The following RORA variants were observed in gnomAD, a reference collection of about 807,000 sequenced individuals.
RORA encodes nuclear receptor ROR-alpha.
RORA carries 7 observed loss-of-function variants against 69.5 expected under a neutral mutation model. That is an observed-to-expected ratio of 0.10 (90% CI 0.06 to 0.19). RORA has a LOEUF of 0.19. Ranked by LOEUF, RORA falls within the 10% of genes least tolerant of loss-of-function variation. The pLI, the probability that RORA is intolerant of heterozygous loss-of-function variation, is 1.00. For synonymous variants in RORA, 261 were observed against 240.8 expected (o/e 1.08, Z -0.78); for missense variants, 457 against 663.0 (o/e 0.69, Z 3.41).
chr15:60,617,930 A>T (rs989280917), intron 2 of RORA, among the ~76,000 whole-genome samples: 3 of 152,128 alleles, frequency 2.0e-5, no homozygotes, highest in African/African-American at 7.2e-5. Flanking sequence ...GCAGCTAGGG[A>T]TAAGAGGTGC....
chr15:61,186,165 T>C (rs2079739178), intron 1 of RORA, among the ~76,000 whole-genome samples: 1 of 152,232 alleles, frequency 6.6e-6, no homozygotes, highest in South Asian at 2.1e-4. Flanking sequence ...TATGCATCTG[T>C]CATGTCTTTG....
At chr15:60,940,031 G>T in intron 1 of RORA, among the ~76,000 whole-genome samples, 1 of 152,204 alleles carries the variant, frequency 6.6e-6, no homozygotes, top group Non-Finnish European at 1.5e-5. Flanking sequence ...CCTTGGCATT[G>T]CTACTTCAAG....
At chr15:60,835,118 T>G (rs992843019) in intron 1 of RORA, among the ~76,000 whole-genome samples, 2 of 152,078 alleles carry the variant, frequency 1.3e-5, no homozygotes, top group African/African-American at 4.8e-5. Flanking sequence ...GGAAAGTGGT[T>G]TTGAAGGGAG....
rs139684355 is a variant in RORA at position 61,109,136 on chromosome 15, C to T, written c.166+119917G>A. Among the ~76,000 whole-genome samples, 5 of 152,290 alleles carry T rather than the reference C, an allele frequency of 3.3e-5. No homozygotes were observed. In the South Asian group the frequency reaches 6.2e-4, roughly 19 times the overall value. ...GCTTGAACCCAGGAGGCAGAGGTTGCAGTGAGCCTAGATCGCGCCACTACA... is the reference window on the plus strand; with the variant it reads ...GCTTGAACCCAGGAGGCAGAGGTTGTAGTGAGCCTAGATCGCGCCACTACA... On this transcript the variant is annotated intron_variant, in intron 1 of 10. Coordinates refer to ENST00000335670, the MANE Select transcript of RORA (RefSeq NM_134261.3).
At chr15:60,845,630 C>T (rs1366722166) in intron 1 of RORA, among the ~76,000 whole-genome samples, 3 of 152,180 alleles carry the variant, frequency 2.0e-5, no homozygotes, top group Non-Finnish European at 4.4e-5. Flanking sequence ...TCAGCTTTCT[C>T]ATTTATAAAT....
intron 2 of RORA, among the ~76,000 whole-genome samples, chr15:60,586,444 C>T (rs2068336996): frequency 6.6e-6 from 1 of 151,608 alleles, no homozygotes; most frequent in Non-Finnish European, 1.5e-5. Context: ...GCAGATATTA[C>T]GTATTAGAGG....
intron 1 of RORA, among the ~76,000 whole-genome samples, chr15:60,897,779 T>C (rs1209079737): frequency 6.6e-6 from 1 of 152,222 alleles, no homozygotes; most frequent in East Asian, 1.9e-4. Context: ...GTGTGAAAAT[T>C]TACACAGCGA....
rs1274968820 is a variant in RORA, at chr15:61,222,883, G to GGT, written c.166+6169_166+6170insAC. On this transcript the variant is annotated intron_variant, in intron 1 of 10. Transcript: ENST00000335670. ...CAGGATTTAAGAGCCTCATGCCAAAGATACCCCTTCAATATATCTATGTAA... is the reference window on the plus strand; with the variant it reads ...CAGGATTTAAGAGCCTCATGCCAAAGGTATACCCCTTCAATATATCTATGTAA... 1.7e-4 allele frequency among the ~76,000 whole-genome samples: 26 copies of GGT among 152,312 alleles called. No homozygotes were observed. In the East Asian group the frequency reaches 3.1e-3, roughly 18 times the overall value.
chr15:60,670,203 TTTTTTTTTTTC>T (rs2070443628), intron 2 of RORA, among the ~76,000 whole-genome samples: 3 of 9,492 alleles, frequency 3.2e-4, no homozygotes, highest in East Asian at 0.071. Context: ...TCCTACCTCT[TTTTTTTTTTTC>T]TTTTTTTTTT....
At chr15:60,984,595 GTAATAA>G (rs1894142104) in intron 1 of RORA, among the ~76,000 whole-genome samples, 1 of 152,082 alleles carries the variant, frequency 6.6e-6, no homozygotes, top group African/African-American at 2.4e-5. Flanking sequence ...GGCACTGTCT[GTAATAA>G]CCAGTGCTAC....
chr15:61,112,989 C>A (rs1274602382), intron 1 of RORA, among the ~76,000 whole-genome samples: 1 of 152,170 alleles, frequency 6.6e-6, no homozygotes, highest in Non-Finnish European at 1.5e-5. Flanking sequence ...GATGTGAGCC[C>A]AAGGACGAGA....
At chr15:60,644,225 G>A (rs1248503864) in intron 2 of RORA, among the ~76,000 whole-genome samples, 1 of 152,184 alleles carries the variant, frequency 6.6e-6, no homozygotes, top group Non-Finnish European at 1.5e-5. Context: ...AACCAGGGAA[G>A]GCTTCTGTGG....
In RORA at chr15:60,614,940, A is replaced by T. The variant is rs762930488; in HGVS notation, c.196+63717T>A. On this transcript the variant is annotated intron_variant, in intron 2 of 10. Coordinates refer to ENST00000335670, the MANE Select transcript of RORA (RefSeq NM_134261.3). ...GAAAAGAGAAGAACTCCCTTAAATT[A>T]ATAAAGTTCTTGGCTGTGGCTCCAT... The T allele has an allele frequency of 6.2e-6, 10 of 1,613,930 alleles. No homozygotes were observed. The Admixed American group carries it at 1.3e-4, about 22-fold the overall frequency.
At chr15:60,738,102 C>T (rs1306556402) in intron 1 of RORA, among the ~76,000 whole-genome samples, 1 of 152,188 alleles carries the variant, frequency 6.6e-6, no homozygotes, top group African/African-American at 2.4e-5. Flanking sequence ...TGAAGCTCTA[C>T]CTTCTCATTT....
At position 60,905,067 on chromosome 15, in the gene RORA, C is replaced by T. The variant is rs12148869; in HGVS notation, c.167-226381G>A. On this transcript the variant is annotated intron_variant, in intron 1 of 10. Transcript: ENST00000335670. The surrounding 1 kb of genome is among the most constrained non-coding windows in gnomAD (Gnocchi z 4.8). ...GGGTGAGGGCTTGAGGCTCTGGGGG[C>T]GCTCGTCTTTAATGTTAATGAGACT... Among the ~76,000 whole-genome samples the T allele has an allele frequency of 0.059, 8,984 of 152,130 alleles. 309 individuals carry two copies. The highest frequency in any genetic ancestry group is 0.074 in the Non-Finnish European group (5,017 of 67,992).
At chr15:61,205,272 TGTTAGAGCTGCA>T (rs2079930118) in intron 1 of RORA, among the ~76,000 whole-genome samples, 1 of 152,206 alleles carries the variant, frequency 6.6e-6, no homozygotes, top group Admixed American at 6.5e-5. Flanking sequence ...TAGCAGCTCT[TGTTAGAGCTGCA>T]AAGCACCGGT....
At chr15:60,996,354 G>A (rs1207217849) in intron 1 of RORA, among the ~76,000 whole-genome samples, 1 of 152,154 alleles carries the variant, frequency 6.6e-6, no homozygotes, top group Non-Finnish European at 1.5e-5. Flanking sequence ...TTACAGGCAT[G>A]AGCCACCACG....
At chr15:60,761,424 A>T (rs1316100190) in intron 1 of RORA, among the ~76,000 whole-genome samples, 1 of 152,190 alleles carries the variant, frequency 6.6e-6, no homozygotes, top group African/African-American at 2.4e-5. Flanking sequence ...CAGCATTACA[A>T]ACATCAATTA....
chr15:60,887,238 T>C (rs535956424), intron 1 of RORA, among the ~76,000 whole-genome samples: 4 of 152,140 alleles, frequency 2.6e-5, no homozygotes, highest in Non-Finnish European at 4.4e-5. Flanking sequence ...TTAACAGAGA[T>C]GTAAAGCATA....
Sources: allele counts gnomAD v4.1 joint callset (sites outside exome capture counted in the v4.1 genomes callset), GRCh38; gene constraint gnomAD v4.1.1; non-coding constraint Gnocchi (gnomAD v3.1); transcripts MANE v1.5; gene names NCBI Gene and HGNC (gene_info 2026-07-23, HGNC 2026-07-21).